ADAMTSL1: variants seen among roughly 807,000 people sequenced by gnomAD.
ADAMTSL1 encodes the protein ADAMTS-like protein 1.
Under a neutral mutation model 201.8 loss-of-function variants are expected in ADAMTSL1, and 126 were observed. The ratio of observed to expected loss-of-function variants is 0.62; its 90% CI spans 0.54 to 0.72. ADAMTSL1 has a LOEUF of 0.72. Among genes scored for constraint, ADAMTSL1 ranks in the 30% least tolerant of loss-of-function variants. The pLI, the probability that ADAMTSL1 is intolerant of heterozygous loss-of-function variation, is 0.00. For synonymous variants in ADAMTSL1, 1,121 were observed against 903.4 expected (o/e 1.24, Z -4.32); for missense variants, 2,679 against 2,277.8 (o/e 1.18, Z -3.59).
In ADAMTSL1 at chr9:18,530,631, C is replaced by G. The variant is rs139593483; in HGVS notation, c.192-2616C>G. 9.9e-5 allele frequency among the ~76,000 whole-genome samples: 15 copies of G among 152,192 alleles called. No homozygotes were observed. In the South Asian group the frequency reaches 2.3e-3, roughly 23 times the overall value. ...TTGCTTAGTTTCTTCTCCATATATCCTTGACCTCCTTTCAATAGCTATTAT... is the reference window on the plus strand; with the variant it reads ...TTGCTTAGTTTCTTCTCCATATATCGTTGACCTCCTTTCAATAGCTATTAT... On this transcript the variant is annotated intron_variant, in intron 2 of 28. Coordinates refer to ENST00000380548, the MANE Select transcript of ADAMTSL1 (RefSeq NM_001040272.6).
Position 18,685,029 on chromosome 9 carries a change from T to G in ADAMTSL1, c.1574+229T>G, listed in dbSNP as rs1564149481. The G allele has an allele frequency of 2.5e-6, 3 of 1,212,306 alleles. No homozygotes were observed. The East Asian group carries it at 1.2e-4, about 47-fold the overall frequency. The allele number at this position is 1,212,306 out of a possible 1,614,324, so 75.1% of individuals were successfully genotyped here. On this transcript the variant is annotated intron_variant, in intron 13 of 28. Transcript: ENST00000380548. ...CTAAAGTAAGAAAATGAAGGTGTAG[T>G]GCTTACCCTCTTCTCCAAAATCTGA...
chr9:18,188,461 A>C (rs932012295), intron 2 of ADAMTSL1, among the ~76,000 whole-genome samples: 1 of 152,168 alleles, frequency 6.6e-6, no homozygotes, highest in African/African-American at 2.4e-5. Context: ...CTATCTGGGA[A>C]CATAATTGTC....
At chr9:18,369,756 A>T (rs114120272) in intron 2 of ADAMTSL1, among the ~76,000 whole-genome samples, 1,831 of 152,328 alleles carry the variant, frequency 0.012, 35 homozygotes, top group African/African-American at 0.042. Context: ...CTAAGTGTCC[A>T]TCAATGGATG....
intron 1 of ADAMTSL1, among the ~76,000 whole-genome samples, chr9:18,068,948 G>A (rs1822832539): frequency 6.6e-6 from 1 of 152,118 alleles, no homozygotes; most frequent in African/African-American, 2.4e-5. Flanking sequence ...CAGTGGAGGT[G>A]GTCCTTGAGG....
At chr9:18,460,033 C>G (rs1328694692) in intron 2 of ADAMTSL1, among the ~76,000 whole-genome samples, 1 of 152,038 alleles carries the variant, frequency 6.6e-6, no homozygotes, top group Non-Finnish European at 1.5e-5. Context: ...AACAGGAAAA[C>G]CTACTAATGC....
intron 1 of ADAMTSL1, among the ~76,000 whole-genome samples, chr9:18,499,268 A>G (rs1165168468): frequency 3.3e-5 from 5 of 152,272 alleles, no homozygotes; most frequent in Admixed American, 3.3e-4. Flanking sequence ...GTATCCACAC[A>G]CTACGCTCTT....
chr9:18,055,862 T>C (rs62553134), intron 1 of ADAMTSL1, among the ~76,000 whole-genome samples: 5,975 of 152,360 alleles, frequency 0.039, 142 homozygotes, highest in Middle Eastern at 0.11. Context: ...ATATTCAAAA[T>C]ATGGGCTTGA....
chr9:18,141,323 C>T (rs1826389438), intron 1 of ADAMTSL1, among the ~76,000 whole-genome samples: 1 of 152,190 alleles, frequency 6.6e-6, no homozygotes, highest in Admixed American at 6.5e-5. Context: ...AGTGCCTTAA[C>T]AGCCCAGGGA....
intron 15 of ADAMTSL1, among the ~76,000 whole-genome samples, chr9:18,726,977 C>T (rs771105573): frequency 1.6e-4 from 24 of 152,096 alleles, no homozygotes; most frequent in Non-Finnish European, 5.9e-5. Flanking sequence ...CTTGAGAATC[C>T]CTGTTTGAAA....
intron 1 of ADAMTSL1, among the ~76,000 whole-genome samples, chr9:18,034,706 C>T (rs1821119436): frequency 6.6e-6 from 1 of 152,154 alleles, no homozygotes; most frequent in African/African-American, 2.4e-5. Context: ...TTCTTACTTT[C>T]TCTACTCTGG....
At chr9:18,559,640 G>T (rs1024625780) in intron 3 of ADAMTSL1, among the ~76,000 whole-genome samples, 1 of 152,184 alleles carries the variant, frequency 6.6e-6, no homozygotes, top group African/African-American at 2.4e-5. Flanking sequence ...CTACCCATTA[G>T]CATGGAATGT....
chr9:18,722,937 A>G (rs1261778462), intron 15 of ADAMTSL1: 2 of 734,722 alleles, frequency 2.7e-6, no homozygotes, highest in African/African-American at 3.4e-5. Flanking sequence ...CTAACTTCGC[A>G]GCTCTCTAGT....
In ADAMTSL1 at chr9:18,827,012, T is replaced by G. The variant is rs188052734; in HGVS notation, c.4114+549T>G. Among the ~76,000 whole-genome samples the G allele has an allele frequency of 1.2e-4, 18 of 152,120 alleles. No individual in the cohort carries two copies. The East Asian group carries it at 3.5e-3, about 29-fold the overall frequency. On this transcript the variant is annotated intron_variant, in intron 22 of 28. Transcript: ENST00000380548. ...TGGCTCCTGGTATAAAATGGGTGCT[T>G]AAAAATAATTGCTGGGACACCATCC...
Position 18,774,763 on chromosome 9 carries a change from T to C in ADAMTSL1, c.2398-980T>C, listed in dbSNP as rs114109778. ...AATATTCCACTGTATAGATATGGCA[T>C]ATTTTGTTTATTCATTCACCAGCTG... On this transcript the variant is annotated intron_variant, in intron 17 of 28. Coordinates refer to ENST00000380548, the MANE Select transcript of ADAMTSL1 (RefSeq NM_001040272.6). Among the ~76,000 whole-genome samples the C allele has an allele frequency of 3.9e-3, 591 of 152,302 alleles. 1 individual carries two copies. The highest frequency in any genetic ancestry group is 0.014 in the African/African-American group (567 of 41,568).
chr9:18,829,956 C>T lies in ADAMTSL1; in HGVS notation c.4228C>T (p.Pro1410Ser). ...TCTGGGAACACAGCTGGTCCTGGATCCTGGGAATTCTGCTCTCCTTGGTGA... is the reference window on the plus strand; with the variant it reads ...TCTGGGAACACAGCTGGTCCTGGATTCTGGGAATTCTGCTCTCCTTGGTGA... Reference protein sequence around the residue: ...SPLGTQLVLDPGNSALLGCPI... With the variant: ...SPLGTQLVLDSGNSALLGCPI... The change falls in exon 23 of 29, where the codon CCT becomes TCT. Residue 1410 changes from proline (P) to serine (S), a missense_variant. Transcript: ENST00000380548. 6.2e-7 allele frequency: 1 copy of T among 1,612,536 alleles called. No individual in the cohort carries two copies. The highest frequency in any genetic ancestry group is 8.5e-7 in the Non-Finnish European group (1 of 1,179,354).
chr9:18,117,397 G>T (rs1269816259), intron 1 of ADAMTSL1, among the ~76,000 whole-genome samples: 1 of 152,002 alleles, frequency 6.6e-6, no homozygotes, highest in Admixed American at 6.6e-5. Context: ...GCTCATTGGT[G>T]TTTCCCATCC....
At chr9:18,322,939 G>C (rs1003188823) in intron 2 of ADAMTSL1, among the ~76,000 whole-genome samples, 1 of 152,120 alleles carries the variant, frequency 6.6e-6, no homozygotes, top group African/African-American at 2.4e-5. Flanking sequence ...AGTTTGTTTA[G>C]ACTAGTGAGT....
At chr9:18,517,417 A>AT (rs1195764123) in intron 2 of ADAMTSL1, among the ~76,000 whole-genome samples, 1 of 148,512 alleles carries the variant, frequency 6.7e-6, no homozygotes, top group Non-Finnish European at 1.5e-5. Flanking sequence ...TTTTTTTTTA[A>AT]TTTATTTTTT....
In ADAMTSL1 at chr9:18,076,117, C is replaced by T. The variant is rs573476795; in HGVS notation, c.88-87745C>T. Among the ~76,000 whole-genome samples, 5 of 152,346 alleles carry T rather than the reference C, an allele frequency of 3.3e-5. No homozygotes were observed. The East Asian group carries it at 9.6e-4, about 29-fold the overall frequency. On this transcript the variant is annotated intron_variant, in intron 1 of 29. Coordinates refer to the ADAMTSL1 transcript ENST00000680146. Reference sequence around the variant, plus strand: ...ACAATGTGCCAATGAATAATTGTGACTTCCTCAAATCCTTCCTAACCAAGA... The same window carrying T: ...ACAATGTGCCAATGAATAATTGTGATTTCCTCAAATCCTTCCTAACCAAGA...
Sources: gnomAD v4.1 joint callset for allele counts (sites outside exome capture counted in the v4.1 genomes callset) on GRCh38, gnomAD v4.1.1 for gene constraint, MANE v1.5 for transcripts, NCBI Gene and HGNC (gene_info 2026-07-23, HGNC 2026-07-21) for gene names.